The following MSL2 variants were observed in gnomAD, a reference collection of about 807,000 sequenced individuals.
The protein encoded by MSL2 is MSL complex subunit 2.
Under a neutral mutation model 35.8 loss-of-function variants are expected in MSL2, and 2 were observed. The observed-to-expected ratio is 0.06, with a 90% CI of 0.02 to 0.18. The LOEUF is 0.18. Among genes scored for constraint, MSL2 ranks in the 10% least tolerant of loss-of-function variants. The probability of loss-of-function intolerance (pLI) is 1.00; values close to 1 mark genes in which losing one functional copy is unlikely to be tolerated. For synonymous variants in MSL2, 296 were observed against 255.7 expected (o/e 1.16, Z -1.50); for missense variants, 523 against 706.7 (o/e 0.74, Z 2.95).
At position 136,195,896 on chromosome 3, in the gene MSL2, G is replaced by T; in HGVS notation, c.-783C>A. 1.2e-6 allele frequency: 1 copy of T among 863,320 alleles called. No individual in the cohort carries two copies. The highest frequency in any genetic ancestry group is 1.4e-6 in the Non-Finnish European group (1 of 719,876). 53.5% of individuals were successfully genotyped at this position (863,320 alleles called of 1,614,324 possible). A position where few individuals can be genotyped will look rare whatever the true frequency, so the allele number is the denominator to read the frequency against. ...GGGGGCGGGGGGCAAGCCCGGCCGG[G>T]CCGCGGCGGCGCCCCTCGCGCCTCA... On this transcript the variant is annotated 5_prime_UTR_variant, in exon 1 of 2. Transcript: ENST00000309993.
chr3:136,186,210 C>A (rs1940518505), intron 1 of MSL2, among the ~76,000 whole-genome samples: 1 of 152,200 alleles, frequency 6.6e-6, no homozygotes, highest in South Asian at 2.1e-4. Flanking sequence ...ATGTCTGTGT[C>A]AAACTGCCAG....
At chr3:136,188,722 T>C (rs1370001480) in intron 1 of MSL2, among the ~76,000 whole-genome samples, 1 of 52,212 alleles carries the variant, frequency 1.9e-5, no homozygotes, top group Non-Finnish European at 3.5e-5. Flanking sequence ...CAAGACCCTG[T>C]CTCAAAAAAA....
At chr3:136,179,243 G>A (rs1392498049) in intron 1 of MSL2, among the ~76,000 whole-genome samples, 1 of 152,046 alleles carries the variant, frequency 6.6e-6, no homozygotes, top group Non-Finnish European at 1.5e-5. Context: ...CTGGAGTGCA[G>A]CAGCACCATC....
Position 136,196,161 on chromosome 3 carries a change from G to T in MSL2, c.-1048C>A, listed in dbSNP as rs1940841878. 6.6e-6 allele frequency: 1 copy of T among 151,516 alleles called. No homozygotes were observed. The highest frequency in any genetic ancestry group is 1.5e-5 in the Non-Finnish European group (1 of 68,160). 9.4% of individuals were successfully genotyped at this position (151,516 alleles called of 1,614,324 possible). A position where few individuals can be genotyped will look rare whatever the true frequency, so the allele number is the denominator to read the frequency against. On this transcript the variant is annotated 5_prime_UTR_variant, in exon 1 of 2. Transcript: ENST00000309993. Reference sequence around the variant, plus strand: ...CTCGCCGCCCTCACCCCGACTCCACGCGCCACTCCAGCTCGGTAGGGCCCG... The same window carrying T: ...CTCGCCGCCCTCACCCCGACTCCACTCGCCACTCCAGCTCGGTAGGGCCCG...
At chr3:136,185,392 T>C (rs1342595293) in intron 1 of MSL2, among the ~76,000 whole-genome samples, 1 of 150,436 alleles carries the variant, frequency 6.6e-6, no homozygotes, top group Non-Finnish European at 1.5e-5. Context: ...AACAGAAAAA[T>C]CATTCAAGTC....
At chr3:136,184,598 G>A (rs1005584045) in intron 1 of MSL2, among the ~76,000 whole-genome samples, 3 of 151,972 alleles carry the variant, frequency 2.0e-5, no homozygotes, top group African/African-American at 4.8e-5. Flanking sequence ...GCGAGACTCC[G>A]TCTCAAAAAA....
In MSL2 at chr3:136,152,647, T is replaced by C. The variant is rs1939406447; in HGVS notation, c.234A>G (p.Lys78=). Residue 78 remains lysine, a synonymous_variant, in exon 2 of 2, where the codon AAA becomes AAG. Coordinates refer to ENST00000309993, the MANE Select transcript of MSL2 (RefSeq NM_018133.4). ...KTCKGKKMMM[K]PSCSWCKDYE... ...AGTCTTTGCACCAGCTACAGGAAGG[T>C]TTCATCATCATTTTCTTGCCTTTAC... 1 of 1,614,170 alleles carries C rather than the reference T, an allele frequency of 6.2e-7. No individual in the cohort carries two copies. The highest frequency in any genetic ancestry group is 1.7e-5 in the Admixed American group (1 of 60,016).
At chr3:136,194,685 G>A (rs1044081549) in intron 1 of MSL2, 7 of 348,380 alleles carry the variant, frequency 2.0e-5, no homozygotes, top group African/African-American at 4.5e-5. Context: ...AAAGCCTTGT[G>A]CATGCATCTT....
In MSL2 at chr3:136,152,381, G is replaced by A. The variant is rs1463572384; in HGVS notation, c.500C>T (p.Thr167Ile). Residue 167 changes from threonine to isoleucine, a missense_variant, in exon 2 of 2, where the codon ACA becomes ATA. Physicochemically the swap from Thr to Ile is moderately conservative, Grantham distance 89. Transcript: ENST00000309993. Reference protein sequence around the residue: ...HSPLPSTSEPTTDPQASLSPM... With the variant: ...HSPLPSTSEPITDPQASLSPM... ...AGATAAACTAGCTTGAGGATCAGTT[G>A]TGGGTTCTGAGGTTGAAGGTAAAGG... is the stretch of plus-strand genomic sequence containing the variant. The A allele has an allele frequency of 3.1e-6, 5 of 1,614,088 alleles. No individual in the cohort carries two copies. Among genetic ancestry groups the A allele is most frequent in the Non-Finnish European group, 4.2e-6 (5 of 1,180,042 alleles).
In MSL2 at chr3:136,195,566, C is replaced by T; in HGVS notation, c.-453G>A. On this transcript the variant is annotated 5_prime_UTR_variant, in exon 1 of 2. Coordinates refer to ENST00000309993, the MANE Select transcript of MSL2 (RefSeq NM_018133.4). ...TGAGGCGCGGCACGCTTCTCCCGGG[C>T]TGCAGGGCCTCTTACTCCATCCCAG... The T allele has an allele frequency of 5.0e-6, 5 of 998,810 alleles. No individual in the cohort carries two copies. The highest frequency in any genetic ancestry group is 4.2e-5 in the South Asian group (1 of 23,636). 61.9% of individuals were successfully genotyped at this position (998,810 alleles called of 1,614,324 possible).
At chr3:136,185,757 C>T (rs546203904) in intron 1 of MSL2, among the ~76,000 whole-genome samples, 3 of 152,054 alleles carry the variant, frequency 2.0e-5, no homozygotes, top group East Asian at 1.9e-4. Context: ...CCACCTGCCT[C>T]GGCCTCCCAA....
At chr3:136,194,908 T>C in intron 1 of MSL2, 64 bp downstream of exon 1, 1 of 1,607,006 alleles carries the variant, frequency 6.2e-7, no homozygotes, top group Non-Finnish European at 8.5e-7. Context: ...CCCGCTCACG[T>C]TACCACTGCC....
At chr3:136,189,173 G>T (rs954090992) in intron 1 of MSL2, among the ~76,000 whole-genome samples, 9 of 131,422 alleles carry the variant, frequency 6.8e-5, no homozygotes, top group Non-Finnish European at 1.4e-4. Context: ...GGTACCGCAC[G>T]CCTACAGTCC....
intron 1 of MSL2, among the ~76,000 whole-genome samples, chr3:136,159,029 T>C (rs759853044): frequency 6.6e-6 from 1 of 152,216 alleles, no homozygotes; most frequent in Non-Finnish European, 1.5e-5. Flanking sequence ...CCAAAATTGA[T>C]GTGTCTGTAA....
chr3:136,177,693 A>C (rs1041881635), intron 1 of MSL2, among the ~76,000 whole-genome samples: 2 of 151,726 alleles, frequency 1.3e-5, no homozygotes, highest in Non-Finnish European at 2.9e-5. Flanking sequence ...AAAAAAAAAA[A>C]AAAAAAAAAA....
chr3:136,188,681 G>A (rs1325271886), intron 1 of MSL2, among the ~76,000 whole-genome samples: 3 of 146,126 alleles, frequency 2.1e-5, no homozygotes, highest in Non-Finnish European at 4.5e-5. Context: ...AGCCCACATC[G>A]AGCCACTGCA....
chr3:136,167,405 G>T, intron 1 of MSL2, among the ~76,000 whole-genome samples: 1 of 151,558 alleles, frequency 6.6e-6, no homozygotes, highest in African/African-American at 2.4e-5. Flanking sequence ...TGACAAAAAT[G>T]CATCATATAA....
chr3:136,154,360 CAATTCTCA>C (rs1939457410), intron 1 of MSL2, among the ~76,000 whole-genome samples: 1 of 152,136 alleles, frequency 6.6e-6, no homozygotes. Flanking sequence ...CGACTTGACA[CAATTCTCA>C]AATTATCAAT....
At chr3:136,181,747 C>T (rs1268386893) in intron 1 of MSL2, among the ~76,000 whole-genome samples, 3 of 151,562 alleles carry the variant, frequency 2.0e-5, no homozygotes, top group Non-Finnish European at 4.4e-5. Context: ...GGTGAAATCC[C>T]GTATCTACTA....
Sources: allele counts gnomAD v4.1 joint callset (sites outside exome capture counted in the v4.1 genomes callset), GRCh38; gene constraint gnomAD v4.1.1; transcripts MANE v1.5; gene names NCBI Gene and HGNC (gene_info 2026-07-23, HGNC 2026-07-21).